The following MACROD2 variants were observed in gnomAD, a reference collection of about 807,000 sequenced individuals.
The protein encoded by MACROD2 is ADP-ribose glycohydrolase MACROD2.
Under a neutral mutation model 70.4 loss-of-function variants are expected in MACROD2, and 36 were observed. That is an observed-to-expected ratio of 0.51 (90% confidence interval 0.39 to 0.68). The LOEUF is 0.68. Among genes scored for constraint, MACROD2 ranks in the 30% least tolerant of loss-of-function variants. The probability of loss-of-function intolerance (pLI) is 0.00; values close to 1 mark genes in which losing one functional copy is unlikely to be tolerated. For missense variants in MACROD2, 496 were observed against 538.4 expected (o/e 0.92, Z 0.78); for synonymous variants, 172 against 178.8 (o/e 0.96, Z 0.30).
chr20:15,525,902 G>A (rs1212549996), intron 8 of MACROD2, among the ~76,000 whole-genome samples: 1 of 152,118 alleles, frequency 6.6e-6, no homozygotes, highest in Non-Finnish European at 1.5e-5. Flanking sequence ...ACATCTACTG[G>A]CTGCCATGGC....
At chr20:15,663,795 C>T (rs2049857689) in intron 8 of MACROD2, among the ~76,000 whole-genome samples, 1 of 152,150 alleles carries the variant, frequency 6.6e-6, no homozygotes, top group African/African-American at 2.4e-5. Flanking sequence ...ATTTTCTCCC[C>T]TCTGAATGCT....
chr20:15,012,313 A>G (rs2075088837), intron 5 of MACROD2, among the ~76,000 whole-genome samples: 1 of 152,196 alleles, frequency 6.6e-6, no homozygotes, highest in African/African-American at 2.4e-5. Flanking sequence ...CTTTCTCTGA[A>G]CTGAAGAAAA....
chr20:15,370,522 A>T (rs13037756), intron 6 of MACROD2, among the ~76,000 whole-genome samples: 11,606 of 152,042 alleles, frequency 0.076, 487 homozygotes, highest in East Asian at 0.17. Flanking sequence ...TTATTGACCA[A>T]TGTTGTCATC....
At chr20:15,967,685 A>C (rs2066164154) in intron 13 of MACROD2, 55 bp downstream of exon 13, 2 of 1,203,704 alleles carry the variant, frequency 1.7e-6, no homozygotes, top group South Asian at 3.2e-5. Context: ...GAAACAGAAA[A>C]AAAAAAAAAA....
chr20:15,552,253 A>G (rs902585317), intron 8 of MACROD2: 4 of 152,176 alleles, frequency 2.6e-5, no homozygotes, highest in Non-Finnish European at 1.5e-5. Context: ...AAACGTGCAT[A>G]GATGTTCACA....
chr20:15,342,227 T>G (rs971976991), intron 6 of MACROD2, among the ~76,000 whole-genome samples: 1 of 152,116 alleles, frequency 6.6e-6, no homozygotes, highest in African/African-American at 2.4e-5. Context: ...TTGAGACACA[T>G]GTTTTCTGCA....
At chr20:15,522,824 G>C (rs1440714971) in intron 8 of MACROD2, among the ~76,000 whole-genome samples, 2 of 152,160 alleles carry the variant, frequency 1.3e-5, no homozygotes, top group Admixed American at 1.3e-4. Flanking sequence ...AGGGTTTCTG[G>C]TAGATATACG....
chr20:15,899,970 G>T (rs931688271), intron 10 of MACROD2, among the ~76,000 whole-genome samples: 1 of 151,942 alleles, frequency 6.6e-6, no homozygotes, highest in Non-Finnish European at 1.5e-5. Flanking sequence ...TTTATGGAAC[G>T]TAGCTTGTAT....
At chr20:15,193,359 G>T (rs189991965) in intron 5 of MACROD2, among the ~76,000 whole-genome samples, 2 of 152,254 alleles carry the variant, frequency 1.3e-5, no homozygotes, top group East Asian at 3.9e-4. Context: ...TCAGAGAAAA[G>T]AATGGTAGCT....
chr20:15,342,234 T>G (rs1356699968), intron 6 of MACROD2, among the ~76,000 whole-genome samples: 2 of 152,236 alleles, frequency 1.3e-5, no homozygotes, highest in Non-Finnish European at 2.9e-5. Context: ...ACATGTTTTC[T>G]GCAGATCAAC....
At chr20:15,465,261 G>A (rs890523021) in intron 7 of MACROD2, among the ~76,000 whole-genome samples, 3 of 152,074 alleles carry the variant, frequency 2.0e-5, no homozygotes, top group African/African-American at 7.2e-5. Context: ...TTTTTATTTT[G>A]TTTTTAAAAA....
At chr20:14,973,994 A>G (rs2074715433) in intron 5 of MACROD2, among the ~76,000 whole-genome samples, 1 of 152,222 alleles carries the variant, frequency 6.6e-6, no homozygotes, top group African/African-American at 2.4e-5. Flanking sequence ...GGATGAAAGT[A>G]TTGGTGTTGG....
chr20:14,638,665 G>T (rs1984915003), intron 4 of MACROD2, among the ~76,000 whole-genome samples: 1 of 152,128 alleles, frequency 6.6e-6, no homozygotes, highest in Admixed American at 6.5e-5. Context: ...AATTAACTGA[G>T]TGAGGCTGGG....
intron 3 of MACROD2, among the ~76,000 whole-genome samples, chr20:14,289,381 A>G (rs2082367960): frequency 6.6e-6 from 1 of 152,238 alleles, no homozygotes; most frequent in Non-Finnish European, 1.5e-5. Context: ...AGTAAATTGA[A>G]CAATACAAAG....
chr20:15,568,678 G>A (rs747398), intron 8 of MACROD2, among the ~76,000 whole-genome samples: 4 of 151,942 alleles, frequency 2.6e-5, no homozygotes, highest in Non-Finnish European at 5.9e-5. Flanking sequence ...GCTGGGAAAC[G>A]CAAGGTCACA....
intron 12 of MACROD2, among the ~76,000 whole-genome samples, chr20:15,962,872 T>C (rs953754397): frequency 2.6e-5 from 4 of 152,220 alleles, no homozygotes; most frequent in Non-Finnish European, 5.9e-5. Context: ...CAGCCTTATT[T>C]ATCCAGCTTC....
intron 4 of MACROD2, chr20:14,547,272 TA>T: frequency 2.2e-6 from 1 of 461,020 alleles, no homozygotes; most frequent in Non-Finnish European, 3.3e-6. Flanking sequence ...ACCAGTTATC[TA>T]TATAATCCTC....
intron 5 of MACROD2, among the ~76,000 whole-genome samples, chr20:15,151,904 C>T (rs1048390677): frequency 6.0e-5 from 9 of 150,798 alleles, no homozygotes; most frequent in Admixed American, 4.0e-4. Context: ...CTCTGCCTGG[C>T]GAGGAGGGGA....
chr20:15,691,072 G>A lies in MACROD2; in HGVS notation c.646-171673G>A, dbSNP rs12479612. ...AAAAGTAGTGAGTGGGATTGACAGA[G>A]GGAAAGTTGCTCTGACTTCAGAGTT... On this transcript the variant is annotated intron_variant, in intron 8 of 17. Transcript: ENST00000684519. Among the ~76,000 whole-genome samples, 454 of 152,254 alleles carry A rather than the reference G, an allele frequency of 3.0e-3. 10 individuals are homozygous for A. Among genetic ancestry groups the A allele is most frequent in the Admixed American group, 0.026 (396 of 15,282 alleles).
Sources: allele counts gnomAD v4.1 joint callset (sites outside exome capture counted in the v4.1 genomes callset), GRCh38; gene constraint gnomAD v4.1.1; transcripts MANE v1.5; gene names NCBI Gene and HGNC (gene_info 2026-07-23, HGNC 2026-07-21).